The following CA8 variants were observed in gnomAD, a reference collection of about 807,000 sequenced individuals.
The protein encoded by CA8 is carbonic anhydrase-related protein.
In CA8, 22 loss-of-function variants were observed where a neutral mutation model predicts 41.4. The ratio of observed to expected loss-of-function variants is 0.53; its 90% CI spans 0.38 to 0.76. The LOEUF (loss-of-function observed/expected upper bound fraction) is 0.76, where lower values mean the gene tolerates loss of function less well. Ranked by LOEUF, CA8 falls within the 30% of genes least tolerant of loss-of-function variation. The probability of loss-of-function intolerance (pLI) is 0.00; values close to 1 mark genes in which losing one functional copy is unlikely to be tolerated. For synonymous variants in CA8, 121 were observed against 130.6 expected (o/e 0.93, Z 0.50); for missense variants, 270 against 352.8 (o/e 0.77, Z 1.88).
intron 3 of CA8, among the ~76,000 whole-genome samples, chr8:60,233,705 C>T (rs776729792): frequency 6.6e-6 from 1 of 152,192 alleles, no homozygotes. Flanking sequence ...CAAAGAAGGT[C>T]TAGGCCCAAG....
At chr8:60,262,008 C>A (rs1007998374) in intron 3 of CA8, among the ~76,000 whole-genome samples, 5 of 152,132 alleles carry the variant, frequency 3.3e-5, no homozygotes, top group African/African-American at 1.2e-4. Flanking sequence ...CTGTGCCCAG[C>A]CCCACTTTTT....
chr8:60,238,427 T>G (rs1210100084), intron 3 of CA8, among the ~76,000 whole-genome samples: 1 of 152,146 alleles, frequency 6.6e-6, no homozygotes, highest in Non-Finnish European at 1.5e-5. Flanking sequence ...TAACTGCAAA[T>G]GCAGGGACCT....
chr8:60,204,406 A>G (rs866575909), intron 8 of CA8, among the ~76,000 whole-genome samples: 2 of 152,236 alleles, frequency 1.3e-5, no homozygotes, highest in African/African-American at 4.8e-5. Flanking sequence ...GTTTTAATTC[A>G]TAGTGGGAGG....
At chr8:60,267,060 G>A (rs192337173) in intron 2 of CA8, among the ~76,000 whole-genome samples, 30 of 152,304 alleles carry the variant, frequency 2.0e-4, no homozygotes, top group Admixed American at 7.8e-4. Flanking sequence ...CACCTCTCTC[G>A]AGGAAGAGTT....
chr8:60,222,059 G>A (rs1045968254), intron 7 of CA8, among the ~76,000 whole-genome samples: 3 of 152,244 alleles, frequency 2.0e-5, no homozygotes, highest in Non-Finnish European at 2.9e-5. Flanking sequence ...AAATACATTC[G>A]AGTGGCGCTG....
rs553368760 is a variant in CA8 at position 60,234,947 on chromosome 8, G to A, written c.418-2568C>T. On this transcript the variant is annotated intron_variant, in intron 3 of 8. Coordinates refer to ENST00000317995, the MANE Select transcript of CA8 (RefSeq NM_004056.6). ...TGGCTAATTCAAGTACCAGGCAAAT[G>A]TCCAACCCATTCTGGAACTTGGCCA... Among the ~76,000 whole-genome samples, 3 of 152,260 alleles carry A rather than the reference G, an allele frequency of 2.0e-5. No homozygotes were observed. The South Asian group carries it at 6.2e-4, about 32-fold the overall frequency.
At chr8:60,213,275 C>A (rs906827310) in intron 7 of CA8, among the ~76,000 whole-genome samples, 1 of 152,230 alleles carries the variant, frequency 6.6e-6, no homozygotes, top group Non-Finnish European at 1.5e-5. Context: ...GAAGCCATCC[C>A]CAGCCTAAAG....
At chr8:60,273,395 C>T (rs912396255) in intron 2 of CA8, among the ~76,000 whole-genome samples, 3 of 152,212 alleles carry the variant, frequency 2.0e-5, no homozygotes, top group Non-Finnish European at 4.4e-5. Context: ...ATTCAAGCTG[C>T]CCACCCACCT....
intron 7 of CA8, among the ~76,000 whole-genome samples, chr8:60,221,742 C>G (rs889632751): frequency 3.3e-5 from 5 of 151,964 alleles, no homozygotes; most frequent in Admixed American, 1.3e-4. Context: ...AAATTAATCC[C>G]TAGCAAAACA....
chr8:60,200,832 C>T (rs1563520617), intron 8 of CA8, among the ~76,000 whole-genome samples: 1 of 152,156 alleles, frequency 6.6e-6, no homozygotes, highest in African/African-American at 2.4e-5. Context: ...ACAAATCAAC[C>T]AGAGCTGGCA....
chr8:60,251,623 A>G (rs1470235079), intron 3 of CA8, among the ~76,000 whole-genome samples: 1 of 152,228 alleles, frequency 6.6e-6, no homozygotes, highest in African/African-American at 2.4e-5. Flanking sequence ...CTGAAAAATA[A>G]CATCGTATTT....
At chr8:60,212,908 C>G (rs2130435883) in intron 7 of CA8, among the ~76,000 whole-genome samples, 1 of 152,322 alleles carries the variant, frequency 6.6e-6, no homozygotes, top group Non-Finnish European at 1.5e-5. Context: ...TTAGTGCTCT[C>G]ACTTTCTTTT....
Position 60,188,550 on chromosome 8 carries a change from T to C in CA8, c.*1471A>G, listed in dbSNP as rs1295388091. ...GATGTAAATATTTTTGTCACAGTTT[T>C]GTAACCATGCTTCACCGTTTCCTCA... On this transcript the variant is annotated 3_prime_UTR_variant, in exon 9 of 9. Transcript: ENST00000317995. 1 of 152,246 alleles carries C rather than the reference T, an allele frequency of 6.6e-6. No individual in the cohort carries two copies. Among genetic ancestry groups the C allele is most frequent in the Non-Finnish European group, 1.5e-5 (1 of 68,056 alleles). 9.4% of individuals were successfully genotyped at this position (152,246 alleles called of 1,614,324 possible).
chr8:60,222,688 C>T lies in CA8; in HGVS notation c.699G>A (p.Trp233Ter), dbSNP rs1807292760. ...TIPPCSEGVT[W>*]ILFRYPLTIS... ...TAGTTAAAGGGTATCGGAATAATATCCAGGTGACACCTTCACTGCAAGGTG... is the reference window on the plus strand; with the variant it reads ...TAGTTAAAGGGTATCGGAATAATATTCAGGTGACACCTTCACTGCAAGGTG... Residue 233 changes from tryptophan to a stop codon, truncating the protein, a stop_gained, in exon 7 of 9, where the codon TGG (tryptophan) becomes TGA (stop). Coordinates refer to ENST00000317995, the MANE Select transcript of CA8 (RefSeq NM_004056.6). LOFTEE classifies it high-confidence loss of function. The T allele has an allele frequency of 6.2e-7, 1 of 1,613,222 alleles. No homozygotes were observed. The highest frequency in any genetic ancestry group is 8.5e-7 in the Non-Finnish European group (1 of 1,179,178).
chr8:60,234,505 T>G (rs1196442599), intron 3 of CA8, among the ~76,000 whole-genome samples: 1 of 152,212 alleles, frequency 6.6e-6, no homozygotes, highest in African/African-American at 2.4e-5. Context: ...TATATGGGAA[T>G]TTTCTGTACT....
intron 3 of CA8, among the ~76,000 whole-genome samples, chr8:60,260,982 G>T (rs1313935694): frequency 6.6e-6 from 1 of 152,150 alleles, no homozygotes; most frequent in East Asian, 1.9e-4. Context: ...AAATCTTTCT[G>T]GGAGGTGAAC....
chr8:60,208,676 A>G lies in CA8; in HGVS notation c.*35+74T>C, dbSNP rs188247535. 779 of 1,274,346 alleles carry G rather than the reference A, an allele frequency of 6.1e-4. 6 individuals are homozygous for G. Among genetic ancestry groups the G allele is most frequent in the Non-Finnish European group, 5.8e-5 (51 of 872,904 alleles). 78.9% of individuals were successfully genotyped at this position (1,274,346 alleles called of 1,614,324 possible). A position where few individuals can be genotyped will look rare whatever the true frequency, so the allele number is the denominator to read the frequency against. On this transcript the variant is annotated intron_variant, in intron 8 of 8. Transcript: ENST00000317995. ...CTTTTATTACTAAATTACCAGGATC[A>G]CAATAAGTGTACCTTTGGTACGCTA...
At chr8:60,251,635 G>C (rs1398087197) in intron 3 of CA8, among the ~76,000 whole-genome samples, 1 of 152,078 alleles carries the variant, frequency 6.6e-6, no homozygotes, top group Non-Finnish European at 1.5e-5. Flanking sequence ...ATCGTATTTG[G>C]TCAGCCCAAT....
At chr8:60,231,423 A>AT (rs1807643838) in intron 4 of CA8, among the ~76,000 whole-genome samples, 1 of 152,202 alleles carries the variant, frequency 6.6e-6, no homozygotes, top group Admixed American at 6.5e-5. Flanking sequence ...GTTGCAATTA[A>AT]TTTTTGATAT....
Sources: allele counts gnomAD v4.1 joint callset (sites outside exome capture counted in the v4.1 genomes callset), GRCh38; gene constraint gnomAD v4.1.1; transcripts MANE v1.5; gene names NCBI Gene and HGNC (gene_info 2026-07-23, HGNC 2026-07-21).